The following LMNB1 variants were observed in gnomAD, a reference collection of about 807,000 sequenced individuals.
LMNB1 encodes lamin-B1.
A neutral mutation model predicts 67.1 loss-of-function variants in LMNB1; 23 were observed. The ratio of observed to expected loss-of-function variants is 0.34; its 90% CI spans 0.25 to 0.49. The LOEUF is 0.49. Ranked by LOEUF, LMNB1 falls within the 20% of genes least tolerant of loss-of-function variation. The pLI, the probability that LMNB1 is intolerant of heterozygous loss-of-function variation, is 0.99. For missense variants in LMNB1, 634 were observed against 746.5 expected, an observed-to-expected ratio of 0.85 and a Z score of 1.76; for synonymous variants, 281 against 282.9, an observed-to-expected ratio of 0.99 and a Z score of 0.07.
At chr5:126,825,692 A>T (rs1246345175) in intron 8 of LMNB1, among the ~76,000 whole-genome samples, 1 of 152,180 alleles carries the variant, frequency 6.6e-6, no homozygotes, top group Non-Finnish European at 1.5e-5. Context: ...TTTATGGATG[A>T]CTAAAGTAAG....
intron 1 of LMNB1, among the ~76,000 whole-genome samples, chr5:126,796,197 G>T (rs1751087540): frequency 6.6e-6 from 1 of 152,088 alleles, no homozygotes; most frequent in South Asian, 2.1e-4. Flanking sequence ...CCAAAGTGCT[G>T]GGATTATAGG....
chr5:126,835,088 G>C (rs1473784426), intron 10 of LMNB1, among the ~76,000 whole-genome samples: 2 of 152,168 alleles, frequency 1.3e-5, no homozygotes, highest in African/African-American at 2.4e-5. Flanking sequence ...ACTAACTCTA[G>C]AGAGGAGATT....
At chr5:126,778,301 T>G (rs1351640231) in intron 1 of LMNB1, among the ~76,000 whole-genome samples, 1 of 151,984 alleles carries the variant, frequency 6.6e-6, no homozygotes, top group Non-Finnish European at 1.5e-5. Flanking sequence ...TCTAGCGGAT[T>G]TGCAGTGCCG....
Position 126,786,632 on chromosome 5 carries a change from CAT to C in LMNB1, c.359+8766_359+8767del, listed in dbSNP as rs371183122. 3.1e-3 allele frequency among the ~76,000 whole-genome samples: 476 copies of C among 152,340 alleles called. 3 individuals are homozygous for C. Among genetic ancestry groups the C allele is most frequent in the South Asian group, 0.01 (50 of 4,832 alleles). ...TACAGGTATTACTCTGGTTTACCGA[CAT>C]GTAGCAGGCTCACAGAGCATCATTA... On this transcript the variant is annotated intron_variant, in intron 1 of 10. Transcript: ENST00000261366.
chr5:126,832,638 C>T, intron 9 of LMNB1, 56 bp from the exon 10 acceptor site: 1 of 1,247,754 alleles, frequency 8.0e-7, no homozygotes, highest in South Asian at 1.2e-5. Context: ...GGTCCCTCTC[C>T]CCCGCATTTG....
intron 1 of LMNB1, among the ~76,000 whole-genome samples, chr5:126,779,803 C>A (rs571432891): frequency 2.0e-5 from 3 of 152,004 alleles, no homozygotes; most frequent in South Asian, 4.1e-4. Flanking sequence ...GAGGCCGAGG[C>A]GGGCGGATCA....
intron 1 of LMNB1, among the ~76,000 whole-genome samples, chr5:126,785,298 T>A (rs192901125): frequency 0.011 from 1,606 of 146,188 alleles, 32 homozygotes; most frequent in African/African-American, 0.039. Flanking sequence ...AAAATTAATT[T>A]TTTTTTTTTT....
At position 126,836,689 on chromosome 5, in the gene LMNB1, G is replaced by A; in HGVS notation, c.*425G>A. Reference sequence around the variant, plus strand: ...TATATAAAACGGTGCTGTGAGGGAGGGGAAAAGCATTTTTCAATATATTGA... The same window carrying A: ...TATATAAAACGGTGCTGTGAGGGAGAGGAAAAGCATTTTTCAATATATTGA... On this transcript the variant is annotated 3_prime_UTR_variant, in exon 11 of 11. Coordinates refer to ENST00000261366, the MANE Select transcript of LMNB1 (RefSeq NM_005573.4). 1 of 382,974 alleles carries A rather than the reference G, an allele frequency of 2.6e-6. No homozygotes were observed. The highest frequency in any genetic ancestry group is 4.6e-6 in the Non-Finnish European group (1 of 217,788). 23.7% of individuals were successfully genotyped at this position (382,974 alleles called of 1,614,324 possible).
intron 1 of LMNB1, among the ~76,000 whole-genome samples, chr5:126,794,005 ACTCACTG>A (rs1343873091): frequency 6.6e-6 from 1 of 151,510 alleles, no homozygotes; most frequent in African/African-American, 2.4e-5. Context: ...AGTGATCTTG[ACTCACTG>A]CTACCTCCAT....
intron 9 of LMNB1, among the ~76,000 whole-genome samples, chr5:126,829,858 T>C (rs1752088130): frequency 6.6e-6 from 1 of 152,016 alleles, no homozygotes. Context: ...ATGGGGGGTG[T>C]GTACCCAGGT....
rs1580553190 is a variant in LMNB1 at position 126,822,766 on chromosome 5, C to G, written c.1387-15C>G. Reference sequence around the variant, plus strand: ...TCTTTGAAGTAACACCCCTCACCCTCCTTTCTGTGTGTAGGATCAACCAAT... The same window carrying G: ...TCTTTGAAGTAACACCCCTCACCCTGCTTTCTGTGTGTAGGATCAACCAAT... On this transcript the variant is annotated splice_polypyrimidine_tract_variant and intron_variant, in intron 7 of 10. Transcript: ENST00000261366. 5 of 1,504,634 alleles carry G rather than the reference C, an allele frequency of 3.3e-6. No individual in the cohort carries two copies. Among genetic ancestry groups the G allele is most frequent in the Non-Finnish European group, 4.6e-6 (5 of 1,083,530 alleles). The allele number at this position is 1,504,634 out of a possible 1,614,324, so 93.2% of individuals were successfully genotyped here.
chr5:126,826,171 A>G, intron 9 of LMNB1, 64 bp downstream of exon 9: 1 of 1,533,200 alleles, frequency 6.5e-7, no homozygotes, highest in African/African-American at 1.4e-5. Context: ...GTGCAAGTAT[A>G]ATCAAGATCA....
intron 1 of LMNB1, among the ~76,000 whole-genome samples, chr5:126,804,437 A>C (rs902308202): frequency 6.6e-6 from 1 of 152,134 alleles, no homozygotes; most frequent in Non-Finnish European, 1.5e-5. Flanking sequence ...ATATTTAAAA[A>C]ATGAATTTTC....
intron 1 of LMNB1, among the ~76,000 whole-genome samples, chr5:126,794,943 G>T (rs1227255416): frequency 6.6e-6 from 1 of 152,114 alleles, no homozygotes; most frequent in African/African-American, 2.4e-5. Flanking sequence ...ATGTTAACAG[G>T]TGGGCAATAA....
chr5:126,832,444 C>G (rs1450176555), intron 9 of LMNB1, among the ~76,000 whole-genome samples: 1 of 151,944 alleles, frequency 6.6e-6, no homozygotes, highest in African/African-American at 2.4e-5. Flanking sequence ...GGATTACAGG[C>G]ACGTGCCATC....
intron 1 of LMNB1, among the ~76,000 whole-genome samples, chr5:126,801,184 C>T (rs992644017): frequency 2.0e-5 from 3 of 150,858 alleles, no homozygotes; most frequent in Non-Finnish European, 4.4e-5. Context: ...GGGGTCTCAC[C>T]GTGTTGCCCA....
intron 4 of LMNB1, among the ~76,000 whole-genome samples, chr5:126,810,789 T>C (rs546494288): frequency 6.6e-6 from 1 of 152,348 alleles, no homozygotes; most frequent in East Asian, 1.9e-4. Context: ...TTCCGGCTTT[T>C]TTGCATAAGG....
intron 1 of LMNB1, among the ~76,000 whole-genome samples, chr5:126,800,838 G>A (rs1191823474): frequency 6.9e-6 from 1 of 143,906 alleles, no homozygotes; most frequent in African/African-American, 2.6e-5. Flanking sequence ...TTTTAGTAGA[G>A]ACTGGGTTTC....
chr5:126,790,248 G>A (rs1750917507), intron 1 of LMNB1, among the ~76,000 whole-genome samples: 1 of 152,114 alleles, frequency 6.6e-6, no homozygotes, highest in Non-Finnish European at 1.5e-5. Flanking sequence ...GGGGATTACA[G>A]GCGTGCACCA....
Sources: allele counts gnomAD v4.1 joint callset (sites outside exome capture counted in the v4.1 genomes callset), GRCh38; gene constraint gnomAD v4.1.1; transcripts MANE v1.5; gene names NCBI Gene and HGNC (gene_info 2026-07-23, HGNC 2026-07-21).